RGS6: variants seen among roughly 807,000 people sequenced by gnomAD.
The protein encoded by RGS6 is regulator of G-protein signaling 6.
Under a neutral mutation model 78.5 loss-of-function variants are expected in RGS6, and 30 were observed. The ratio of observed to expected loss-of-function variants is 0.38; its 90% confidence interval spans 0.29 to 0.52. The LOEUF (loss-of-function observed/expected upper bound fraction) is 0.52, where lower values mean the gene tolerates loss of function less well. Ranked by LOEUF, RGS6 falls within the 20% of genes least tolerant of loss-of-function variation. The probability of loss-of-function intolerance (pLI) is 0.85; values close to 1 mark genes in which losing one functional copy is unlikely to be tolerated. For missense variants in RGS6, 495 were observed against 609.7 expected, an observed-to-expected ratio of 0.81 and a Z score of 1.98; for synonymous variants, 206 against 206.0, an observed-to-expected ratio of 1.00 and a Z score of 0.00.
chr14:72,175,277 G>A (rs2097090729), intron 2 of RGS6, among the ~76,000 whole-genome samples: 1 of 152,112 alleles, frequency 6.6e-6, no homozygotes, highest in Admixed American at 6.5e-5. Context: ...AAGTATTCTA[G>A]CATAAGAGAG....
chr14:72,619,092 G>A, the RGS6 span, among the ~76,000 whole-genome samples: 4 of 152,220 alleles, frequency 2.6e-5, no homozygotes, highest in African/African-American at 7.2e-5. Flanking sequence ...TAGAGACAAG[G>A]AGGTGCTGGC....
intron 2 of RGS6, among the ~76,000 whole-genome samples, chr14:72,127,852 C>A (rs1175235671): frequency 6.6e-6 from 1 of 152,206 alleles, no homozygotes; most frequent in East Asian, 1.9e-4. Flanking sequence ...TGACCCCTGG[C>A]AACTCCTAAT....
chr14:72,238,235 C>T (rs957956767), intron 2 of RGS6, among the ~76,000 whole-genome samples: 5 of 152,142 alleles, frequency 3.3e-5, no homozygotes, highest in African/African-American at 9.7e-5. Flanking sequence ...CTGCTTGTCT[C>T]TCTGCCAGCT....
At chr14:72,257,952 G>A (rs1163749467) in intron 2 of RGS6, among the ~76,000 whole-genome samples, 1 of 152,220 alleles carries the variant, frequency 6.6e-6, no homozygotes, top group Non-Finnish European at 1.5e-5. Flanking sequence ...AAACAATACT[G>A]AATTCAAACA....
chr14:71,937,033 C>T (rs181154187), intron 1 of RGS6, among the ~76,000 whole-genome samples: 3 of 152,280 alleles, frequency 2.0e-5, no homozygotes, highest in Non-Finnish European at 2.9e-5. Flanking sequence ...TGACCTTAAT[C>T]ACAGGGCATG....
intron 15 of RGS6, among the ~76,000 whole-genome samples, chr14:72,526,928 C>T (rs1188796978): frequency 2.0e-5 from 3 of 152,200 alleles, no homozygotes; most frequent in South Asian, 2.1e-4. Context: ...TTCAGCTAAC[C>T]ATGCCTAAGG....
the RGS6 span, among the ~76,000 whole-genome samples, chr14:72,599,580 T>C: frequency 6.9e-6 from 1 of 144,164 alleles, no homozygotes; most frequent in South Asian, 2.2e-4. Context: ...GGCTAATTTT[T>C]TTTTTTTTTT....
intron 2 of RGS6, among the ~76,000 whole-genome samples, chr14:72,203,169 C>T (rs747166122): frequency 1.3e-5 from 2 of 152,116 alleles, no homozygotes; most frequent in Admixed American, 6.5e-5. Flanking sequence ...GCCACTGCAC[C>T]CTGCCCTGAT....
chr14:72,129,576 C>T (rs1256291887), intron 2 of RGS6, among the ~76,000 whole-genome samples: 3 of 152,180 alleles, frequency 2.0e-5, no homozygotes, highest in Admixed American at 1.3e-4. Flanking sequence ...ATCTGTTCTG[C>T]AGTCAGAAGG....
chr14:72,447,387 A>G (rs2095391825), intron 3 of RGS6, among the ~76,000 whole-genome samples: 1 of 152,122 alleles, frequency 6.6e-6, no homozygotes, highest in Admixed American at 6.5e-5. Flanking sequence ...TCCAGCCACA[A>G]TGCCCTCCTC....
At chr14:72,311,645 C>T (rs1188005768) in intron 2 of RGS6, among the ~76,000 whole-genome samples, 1 of 152,174 alleles carries the variant, frequency 6.6e-6, no homozygotes, top group Non-Finnish European at 1.5e-5. Context: ...TTGTCTCTTT[C>T]CTCTTCCTCT....
chr14:72,097,985 C>T (rs77134705), intron 2 of RGS6, among the ~76,000 whole-genome samples: 1 of 152,254 alleles, frequency 6.6e-6, no homozygotes, highest in East Asian at 1.9e-4. Context: ...TGTCTGGTAG[C>T]AATTGTGTTA....
At chr14:72,568,482 CTTTG>C (rs1284390464), downstream of RGS6, among the ~76,000 whole-genome samples, 4 of 152,218 alleles carry the variant, frequency 2.6e-5, no homozygotes, top group African/African-American at 9.6e-5. Context: ...AGGCTGTAGG[CTTTG>C]TTTGCCTGTG....
intron 2 of RGS6, among the ~76,000 whole-genome samples, chr14:72,171,375 A>G (rs1386950729): frequency 6.6e-6 from 1 of 152,204 alleles, no homozygotes; most frequent in Non-Finnish European, 1.5e-5. Flanking sequence ...GTCATATACA[A>G]GAACTACCAG....
At chr14:71,970,913 C>T (rs1381141191) in intron 2 of RGS6, among the ~76,000 whole-genome samples, 1 of 152,076 alleles carries the variant, frequency 6.6e-6, no homozygotes, top group Admixed American at 6.6e-5. Flanking sequence ...TGCTTCGATT[C>T]TTGAAAGATG....
At chr14:72,388,633 C>T (rs1379233565) in intron 3 of RGS6, among the ~76,000 whole-genome samples, 1 of 152,124 alleles carries the variant, frequency 6.6e-6, no homozygotes, top group Non-Finnish European at 1.5e-5. Context: ...CTCCCTTAGA[C>T]AGCCTCATTC....
intron 2 of RGS6, among the ~76,000 whole-genome samples, chr14:72,071,921 GACTT>G (rs2094421697): frequency 6.6e-6 from 1 of 152,134 alleles, no homozygotes; most frequent in South Asian, 2.1e-4. Flanking sequence ...GCATTGTTCT[GACTT>G]ACAGGAATTG....
At chr14:72,538,839 A>G (rs79401508) in intron 16 of RGS6, among the ~76,000 whole-genome samples, 6,196 of 152,328 alleles carry the variant, frequency 0.041, 166 homozygotes, top group Non-Finnish European at 0.058. Flanking sequence ...CTGAGCTGAC[A>G]AGGGGCCTGG....
At chr14:72,243,953 T>C (rs2153829682) in intron 2 of RGS6, among the ~76,000 whole-genome samples, 2 of 152,360 alleles carry the variant, frequency 1.3e-5, no homozygotes, top group South Asian at 4.1e-4. Flanking sequence ...AGCTTTACTT[T>C]GAATTCTATT....
Sources: gnomAD v4.1 joint callset for allele counts (sites outside exome capture counted in the v4.1 genomes callset) on GRCh38, gnomAD v4.1.1 for gene constraint, MANE v1.5 for transcripts, NCBI Gene and HGNC (gene_info 2026-07-23, HGNC 2026-07-21) for gene names.